The following ADAT1 variants were observed in gnomAD, a reference collection of about 807,000 sequenced individuals.
The protein encoded by ADAT1 is tRNA-specific adenosine deaminase 1.
Under a neutral mutation model 58.6 loss-of-function variants are expected in ADAT1, and 58 were observed. That is an observed-to-expected ratio of 0.99 (90% CI 0.80 to 1.23). The LOEUF is 1.23. Among genes scored for constraint, ADAT1 ranks in the 50% most tolerant of loss-of-function variants. The pLI is 0.00. For missense variants in ADAT1, 741 were observed against 608.6 expected (o/e 1.22, Z -2.29); for synonymous variants, 254 against 220.8 (o/e 1.15, Z -1.33).
At position 75,612,668 on chromosome 16, in the gene ADAT1, C is replaced by CCTGGCTG; in HGVS notation, c.611_617dup (p.Arg206SerfsTer31). ...GGTGAGCTGCTCCGTTGGTGACCTC[C>CCTGGCTG]CTGGCTGCAGTCCCAGGCTCAAGCC... On this transcript the variant is annotated frameshift_variant, in exon 6 of 10. Transcript: ENST00000564657. LOFTEE classifies it high-confidence loss of function. 1 of 1,614,064 alleles carries CCTGGCTG rather than the reference C, an allele frequency of 6.2e-7. No individual in the cohort carries two copies. Among genetic ancestry groups the CCTGGCTG allele is most frequent in the Non-Finnish European group, 8.5e-7 (1 of 1,180,036 alleles).
chr16:75,603,447 A>G (rs2081279455), intron 8 of ADAT1, among the ~76,000 whole-genome samples: 1 of 152,222 alleles, frequency 6.6e-6, no homozygotes, highest in Non-Finnish European at 1.5e-5. Context: ...ATTTTGCCCC[A>G]GGATATCTGT....
At chr16:75,607,709 C>G (rs951645423) in intron 8 of ADAT1, among the ~76,000 whole-genome samples, 2 of 152,102 alleles carry the variant, frequency 1.3e-5, no homozygotes, top group South Asian at 4.1e-4. Flanking sequence ...CCATATGACC[C>G]AGTAACACTA....
At chr16:75,613,386 C>T (rs1426910507) in intron 5 of ADAT1, among the ~76,000 whole-genome samples, 1 of 152,196 alleles carries the variant, frequency 6.6e-6, no homozygotes, top group Non-Finnish European at 1.5e-5. Context: ...ACTGCAATCT[C>T]TACCTCCTGG....
At position 75,597,239 on chromosome 16, in the gene ADAT1, A is replaced by C; in HGVS notation, c.*2977T>G. ...TGGATTAGGGCAGGCCCTAAATCCAATTACTGGGGTCCTTATAAGTAGGCC... is the reference window on the plus strand; with the variant it reads ...TGGATTAGGGCAGGCCCTAAATCCACTTACTGGGGTCCTTATAAGTAGGCC... On this transcript the variant is annotated 3_prime_UTR_variant, in exon 10 of 10. Coordinates refer to ENST00000564657, the MANE Select transcript of ADAT1 (RefSeq NM_001324445.2). The C allele has an allele frequency of 6.1e-6, 2 of 327,872 alleles. No individual in the cohort carries two copies. The highest frequency in any genetic ancestry group is 1.2e-5 in the Non-Finnish European group (2 of 164,676). The allele number at this position is 327,872 out of a possible 1,614,324, so 20.3% of individuals were successfully genotyped here. A position where few individuals can be genotyped will look rare whatever the true frequency, so the allele number is the denominator to read the frequency against.
intron 6 of ADAT1, among the ~76,000 whole-genome samples, chr16:75,610,564 T>C (rs983861225): frequency 6.6e-6 from 1 of 152,220 alleles, no homozygotes; most frequent in Non-Finnish European, 1.5e-5. Flanking sequence ...CCCAAGATGC[T>C]AGGATTACAG....
chr16:75,618,322 T>G (rs1227411774), intron 4 of ADAT1, among the ~76,000 whole-genome samples: 1 of 151,822 alleles, frequency 6.6e-6, no homozygotes, highest in Non-Finnish European at 1.5e-5. Flanking sequence ...CTGGCCAGCA[T>G]GGTGAAACCC....
In ADAT1 at chr16:75,612,420, C is replaced by T. The variant is rs748560978; in HGVS notation, c.866G>A (p.Gly289Asp). 3 of 1,614,256 alleles carry T rather than the reference C, an allele frequency of 1.9e-6. No homozygotes were observed. The highest frequency in any genetic ancestry group is 1.7e-5 in the Admixed American group (1 of 60,032). The change falls in exon 6 of 10, where the codon GGC becomes GAC. Residue 289 changes from glycine (G) to aspartate (D), a missense_variant. Coordinates refer to ENST00000564657, the MANE Select transcript of ADAT1 (RefSeq NM_001324445.2). ...HQVGLLRVKPGRGDRTRSMSC... is the reference protein window; with the variant it reads ...HQVGLLRVKPDRGDRTRSMSC... ...CATGGAGCGTGTTCTGTCTCCACGGCCTGGCTTCACTCGGAGCAGCCCCAC... is the reference window on the plus strand; with the variant it reads ...CATGGAGCGTGTTCTGTCTCCACGGTCTGGCTTCACTCGGAGCAGCCCCAC...
At position 75,598,266 on chromosome 16, in the gene ADAT1, G is replaced by T; in HGVS notation, c.*1950C>A. 2.8e-6 allele frequency: 1 copy of T among 362,020 alleles called. No homozygotes were observed. Among genetic ancestry groups the T allele is most frequent in the Non-Finnish European group, 5.5e-6 (1 of 181,184 alleles). 22.4% of individuals were successfully genotyped at this position (362,020 alleles called of 1,614,324 possible). ...TAATTTTTGTATTTTTAGTAGAAAGGGGCTTCACCATGTTGGCCAGGATGG... is the reference window on the plus strand; with the variant it reads ...TAATTTTTGTATTTTTAGTAGAAAGTGGCTTCACCATGTTGGCCAGGATGG... On this transcript the variant is annotated 3_prime_UTR_variant, in exon 10 of 10. Coordinates refer to ENST00000564657, the MANE Select transcript of ADAT1 (RefSeq NM_001324445.2).
At chr16:75,619,539 C>CAAA (rs2081860200) in intron 3 of ADAT1, 1 of 429,784 alleles carries the variant, frequency 2.3e-6, no homozygotes, top group Non-Finnish European at 4.6e-6. Context: ...AAAAAAAAAC[C>CAAA]ACTGAAACAG....
rs2081690413 is a variant in ADAT1 at position 75,615,744 on chromosome 16, T to A, written c.424+1398A>T. Among the ~76,000 whole-genome samples, 5 of 152,136 alleles carry A rather than the reference T, an allele frequency of 3.3e-5. No homozygotes were observed. The South Asian group carries it at 6.2e-4, about 19-fold the overall frequency. The stretch of plus-strand genomic sequence containing the variant: ...CAATGTGTGGTCTATGGACCCACAC[T>A]GCTGGCATGCCTTGGGAGTTGGCTA... On this transcript the variant is annotated intron_variant, in intron 5 of 9. Coordinates refer to ENST00000564657, the MANE Select transcript of ADAT1 (RefSeq NM_001324445.2).
rs975676165 is a variant in ADAT1, at chr16:75,598,792, T to C, written c.*1424A>G. On this transcript the variant is annotated 3_prime_UTR_variant, in exon 10 of 10. Transcript: ENST00000564657. ...CCTCAGCCTCCCAAAGTGTTGGAAT[T>C]ACAGGCGTAAGCCACCGTGCCCGGC... is the stretch of plus-strand genomic sequence containing the variant. The C allele has an allele frequency of 6.0e-6, 4 of 662,576 alleles. No homozygotes were observed. Among genetic ancestry groups the C allele is most frequent in the African/African-American group, 3.9e-5 (2 of 50,880 alleles). The allele number at this position is 662,576 out of a possible 1,614,324, so 41.0% of individuals were successfully genotyped here.
rs1211205719 is a variant in ADAT1, at chr16:75,617,269, G to A, written c.297C>T (p.Tyr99=). Residue 99 remains tyrosine, a synonymous_variant, in exon 5 of 10, where the codon TAC becomes TAT. Coordinates refer to ENST00000564657, the MANE Select transcript of ADAT1 (RefSeq NM_001324445.2). ...CTGCCAACTGGAGTTGGTGGAGAAG[G>A]TACCTAAGGGTTGCAAGATGTTATT... ...EVIARRSFQR[Y]LLHQLQLAAT... 9 of 1,611,842 alleles carry A rather than the reference G, an allele frequency of 5.6e-6. No individual in the cohort carries two copies. Among genetic ancestry groups the A allele is most frequent in the Non-Finnish European group, 7.6e-6 (9 of 1,178,262 alleles).
At chr16:75,612,158 A>C in intron 6 of ADAT1, 85 bp downstream of exon 6, 1 of 1,413,384 alleles carries the variant, frequency 7.1e-7, no homozygotes, top group Non-Finnish European at 9.7e-7. Context: ...ATCAAAAGGT[A>C]TGGAGATTCT....
chr16:75,607,041 C>A (rs1297715418), intron 8 of ADAT1, among the ~76,000 whole-genome samples: 2 of 151,998 alleles, frequency 1.3e-5, no homozygotes, highest in Non-Finnish European at 2.9e-5. Context: ...GCCTGGCCAA[C>A]ATAGTGAAAC....
intron 3 of ADAT1, chr16:75,619,570 C>G (rs775321231): frequency 2.2e-6 from 1 of 452,782 alleles, no homozygotes; most frequent in Non-Finnish European, 4.4e-6. Flanking sequence ...ACCCCCAGAT[C>G]TCTAAGGAAT....
chr16:75,619,071 T>C (rs1335084839), intron 3 of ADAT1, among the ~76,000 whole-genome samples: 1 of 152,182 alleles, frequency 6.6e-6, no homozygotes, highest in Non-Finnish European at 1.5e-5. Flanking sequence ...CTAGATCTTT[T>C]GTACAGAAGT....
intron 8 of ADAT1, among the ~76,000 whole-genome samples, chr16:75,604,598 C>G (rs1454853017): frequency 6.7e-6 from 1 of 148,886 alleles, no homozygotes; most frequent in Non-Finnish European, 1.5e-5. Flanking sequence ...TGATTAAAAA[C>G]CTTTTGGCAA....
At chr16:75,604,453 AAAAAT>A in intron 8 of ADAT1, among the ~76,000 whole-genome samples, 1 of 76,098 alleles carries the variant, frequency 1.3e-5, no homozygotes, top group African/African-American at 6.7e-5. Context: ...AAAAAAAAAA[AAAAAT>A]ATATATATAT....
Position 75,597,461 on chromosome 16 carries a change from C to A in ADAT1, c.*2755G>T. On this transcript the variant is annotated 3_prime_UTR_variant, in exon 10 of 10. Transcript: ENST00000564657. ...AGGCACGAAAAAGTCTTCCTTAGAG[C>A]AGCAGTCCCCAACCTTTTTGGCACC... 2 of 427,186 alleles carry A rather than the reference C, an allele frequency of 4.7e-6. No individual in the cohort carries two copies. Among genetic ancestry groups the A allele is most frequent in the East Asian group, 7.4e-5 (1 of 13,556 alleles). The allele number at this position is 427,186 out of a possible 1,614,324, so 26.5% of individuals were successfully genotyped here.
Sources: allele counts gnomAD v4.1 joint callset (sites outside exome capture counted in the v4.1 genomes callset), GRCh38; gene constraint gnomAD v4.1.1; transcripts MANE v1.5; gene names NCBI Gene and HGNC (gene_info 2026-07-23, HGNC 2026-07-21).